Variants in TUSC3 observed in about 807,000 individuals in gnomAD.
TUSC3 encodes the protein tumor suppressor candidate 3.
In TUSC3, 45 loss-of-function variants were observed where a neutral mutation model predicts 44.8. The observed-to-expected ratio is 1.00, with a 90% CI of 0.79 to 1.29. TUSC3 has a LOEUF of 1.29. Among genes scored for constraint, TUSC3 ranks in the 50% most tolerant of loss-of-function variants. TUSC3 has a pLI of 0.00. For synonymous variants in TUSC3, 212 were observed against 152.9 expected (o/e 1.39, Z -2.85); for missense variants, 519 against 437.9 (o/e 1.19, Z -1.65).
At chr8:15,609,249 A>G (rs1804660080) in intron 1 of TUSC3, among the ~76,000 whole-genome samples, 2 of 152,140 alleles carry the variant, frequency 1.3e-5, no homozygotes, top group Non-Finnish European at 2.9e-5. Context: ...ATATGTGGCC[A>G]TTAATAGTGA....
intron 2 of TUSC3, among the ~76,000 whole-genome samples, chr8:15,636,905 T>A (rs1276833336): frequency 2.0e-5 from 3 of 152,144 alleles, no homozygotes; most frequent in Non-Finnish European, 4.4e-5. Flanking sequence ...CCCAAGAAAT[T>A]TTATTTGGTG....
At chr8:15,687,904 G>A (rs1386572140) in intron 6 of TUSC3, among the ~76,000 whole-genome samples, 1 of 152,084 alleles carries the variant, frequency 6.6e-6, no homozygotes, top group Non-Finnish European at 1.5e-5. Flanking sequence ...CATGCACAGA[G>A]GGATTATGGA....
the TUSC3 span, chr8:15,807,019 G>A: frequency 9.8e-6 from 14 of 1,434,432 alleles, no homozygotes; most frequent in Non-Finnish European, 1.3e-5. Context: ...AGGTGCTCCT[G>A]CAGACCCTGT....
chr8:15,720,244 T>C (rs1041753523), intron 6 of TUSC3, among the ~76,000 whole-genome samples: 1 of 124,848 alleles, frequency 8.0e-6, no homozygotes, highest in East Asian at 2.5e-4. Flanking sequence ...AGAGAGAACA[T>C]TTCTCATATA....
intron 2 of TUSC3, among the ~76,000 whole-genome samples, chr8:15,488,162 C>T (rs548848086): frequency 6.6e-6 from 1 of 151,922 alleles, no homozygotes; most frequent in African/African-American, 2.4e-5. Context: ...TCCTGAGTAA[C>T]CTAAAATTCT....
chr8:15,599,063 A>G lies in TUSC3; in HGVS notation c.139-24017A>G, dbSNP rs549836288. On this transcript the variant is annotated intron_variant, in intron 1 of 10. Transcript: ENST00000503731. ...GTACCATTTTGTATTCCTACCAGCA[A>G]TGAATGAGAATTCCTGCTGCTACAC... Among the ~76,000 whole-genome samples, 8 of 151,990 alleles carry G rather than the reference A, an allele frequency of 5.3e-5. No individual in the cohort carries two copies. In the East Asian group the frequency reaches 9.7e-4, roughly 18 times the overall value.
chr8:15,549,608 G>A (rs1287601900), intron 1 of TUSC3, among the ~76,000 whole-genome samples: 1 of 151,414 alleles, frequency 6.6e-6, no homozygotes, highest in Non-Finnish European at 1.5e-5. Flanking sequence ...ATATTCTTTT[G>A]GTTAACATGT....
intron 10 of TUSC3, among the ~76,000 whole-genome samples, chr8:15,758,722 C>CG (rs1481571003): frequency 8.5e-5 from 13 of 152,052 alleles, no homozygotes; most frequent in African/African-American, 3.1e-4. Flanking sequence ...TCTTCTCCCC[C>CG]CAGATTGACT....
chr8:15,526,959 A>G (rs558436663), intron 2 of TUSC3, among the ~76,000 whole-genome samples: 2 of 152,182 alleles, frequency 1.3e-5, no homozygotes, highest in Non-Finnish European at 2.9e-5. Context: ...TAAAGGATAA[A>G]GGATTAAGTG....
chr8:15,540,173 C>T (rs1801626727), upstream of TUSC3: 1 of 436,760 alleles, frequency 2.3e-6, no homozygotes, highest in Non-Finnish European at 3.9e-6. Context: ...GCACGCCGCG[C>T]CCCCGAAGCC....
rs1245667330 is a variant in TUSC3, at chr8:15,498,816, C to T, written n.189+15333C>T. 2.6e-5 allele frequency among the ~76,000 whole-genome samples: 4 copies of T among 152,120 alleles called. No homozygotes were observed. In the East Asian group the frequency reaches 7.7e-4, roughly 29 times the overall value. On this transcript the variant is annotated intron_variant and non_coding_transcript_variant, in intron 2 of 5. Transcript: ENST00000503191. ...AGAGACTTTCAGCCACCACCAGAGG[C>T]AGAGAGATAACTTTCCCCAGCTCCT... is the stretch of plus-strand genomic sequence containing the variant.
At chr8:15,505,325 T>C (rs1213177743) in intron 2 of TUSC3, among the ~76,000 whole-genome samples, 2 of 152,246 alleles carry the variant, frequency 1.3e-5, no homozygotes, top group Non-Finnish European at 2.9e-5. Context: ...GCTGTTCTGA[T>C]GGCCAGACTT....
At chr8:15,573,508 G>C (rs1802971453) in intron 1 of TUSC3, among the ~76,000 whole-genome samples, 1 of 151,846 alleles carries the variant, frequency 6.6e-6, no homozygotes, top group Admixed American at 6.6e-5. Context: ...GTAGTTAGCT[G>C]AACCTGAACC....
the TUSC3 span, among the ~76,000 whole-genome samples, chr8:15,811,543 T>A: frequency 2.0e-5 from 3 of 152,156 alleles, no homozygotes; most frequent in East Asian, 5.8e-4. Context: ...CAAGCTGTAT[T>A]TGCAGAGAGC....
At chr8:15,583,592 G>T (rs1001774552) in intron 1 of TUSC3, among the ~76,000 whole-genome samples, 1 of 152,148 alleles carries the variant, frequency 6.6e-6, no homozygotes, top group Non-Finnish European at 1.5e-5. Flanking sequence ...TTCAATGTAA[G>T]AAAGAAGAAT....
At chr8:15,834,263 T>G in the TUSC3 span, among the ~76,000 whole-genome samples, 1 of 152,138 alleles carries the variant, frequency 6.6e-6, no homozygotes, top group Non-Finnish European at 1.5e-5. Context: ...GACCTTGCAC[T>G]TTCATACTAA....
chr8:15,803,103 G>A, the TUSC3 span, among the ~76,000 whole-genome samples: 1 of 152,112 alleles, frequency 6.6e-6, no homozygotes, highest in Non-Finnish European at 1.5e-5. Flanking sequence ...ACCTTCATGA[G>A]GTTAGTTACC....
intron 5 of TUSC3, among the ~76,000 whole-genome samples, chr8:15,665,558 A>G (rs1807619288): frequency 6.6e-6 from 1 of 150,926 alleles, no homozygotes; most frequent in African/African-American, 2.4e-5. Context: ...TGGAAGTTAT[A>G]TGTTTTAGGG....
rs576891891 is a variant in TUSC3 at position 15,427,823 on chromosome 8, GACA to G, written n.91+10522_91+10524del. ...TTGTTGTCATACTCAAAAAATCTTT[GACA>G]ACACCAATGTCAAGAAGCTTTTCCC... On this transcript the variant is annotated intron_variant and non_coding_transcript_variant, in intron 1 of 5. Coordinates refer to the TUSC3 transcript ENST00000503191. Among the ~76,000 whole-genome samples the G allele has an allele frequency of 5.8e-3, 886 of 152,182 alleles. 6 individuals are homozygous for G. The highest frequency in any genetic ancestry group is 0.014 in the Middle Eastern group (4 of 294).
Sources: allele counts gnomAD v4.1 joint callset (sites outside exome capture counted in the v4.1 genomes callset), GRCh38; gene constraint gnomAD v4.1.1; transcripts MANE v1.5; gene names NCBI Gene and HGNC (gene_info 2026-07-23, HGNC 2026-07-21).